Variants in NPFFR2 observed in about 807,000 individuals in gnomAD.
NPFFR2 encodes neuropeptide FF receptor 2.
NPFFR2 carries 15 observed loss-of-function variants against 13.1 expected under a neutral mutation model. The ratio of observed to expected loss-of-function variants is 1.15; its 90% confidence interval spans 0.77 to 1.76. The LOEUF (loss-of-function observed/expected upper bound fraction) is 1.76, where lower values mean the gene tolerates loss of function less well. NPFFR2 is among the 40% of genes most tolerant of loss of function. The probability of loss-of-function intolerance (pLI) is 0.00; values close to 1 mark genes in which losing one functional copy is unlikely to be tolerated. For missense variants in NPFFR2, 572 were observed against 503.5 expected (o/e 1.14, Z -1.30); for synonymous variants, 190 against 175.7 (o/e 1.08, Z -0.65).
chr4:72,127,157 C>A (rs1045158085), intron 1 of NPFFR2, among the ~76,000 whole-genome samples: 1 of 150,276 alleles, frequency 6.7e-6, no homozygotes, highest in Non-Finnish European at 1.5e-5. Flanking sequence ...AAAAAAAATT[C>A]GCTGGGCGTG....
At chr4:72,069,745 A>G (rs1736378738) in intron 1 of NPFFR2, among the ~76,000 whole-genome samples, 1 of 152,192 alleles carries the variant, frequency 6.6e-6, no homozygotes, top group Non-Finnish European at 1.5e-5. Flanking sequence ...AAATATGAAT[A>G]GGAAATTCAC....
chr4:72,121,083 C>T (rs1046787272), intron 1 of NPFFR2, among the ~76,000 whole-genome samples: 51 of 151,952 alleles, frequency 3.4e-4, no homozygotes, highest in African/African-American at 1.2e-3. Flanking sequence ...AAAAACACAG[C>T]ACGAGAACTT....
chr4:72,076,996 A>G (rs796920151), intron 1 of NPFFR2, among the ~76,000 whole-genome samples: 1 of 152,178 alleles, frequency 6.6e-6, no homozygotes, highest in Admixed American at 6.5e-5. Flanking sequence ...GTAGTAAATC[A>G]TCTAAATTAA....
Position 72,109,724 on chromosome 4 carries a change from T to TTG in NPFFR2, c.-7-18860_-7-18859insGT, listed in dbSNP as rs1553892602. ...ATTTGTTGTTGTTGTTGTTGTTGTT[T>TTG]TTTAATGAATGCCCATTCCCTTGAC... On this transcript the variant is annotated intron_variant, in intron 1 of 3. Transcript: ENST00000308744. Among the ~76,000 whole-genome samples, 693 of 152,098 alleles carry TTG rather than the reference T, an allele frequency of 4.6e-3. 3 individuals are homozygous for TTG. The highest frequency in any genetic ancestry group is 0.016 in the African/African-American group (664 of 41,498).
chr4:72,130,760 C>T (rs750393736), intron 2 of NPFFR2, among the ~76,000 whole-genome samples: 3 of 152,142 alleles, frequency 2.0e-5, no homozygotes, highest in Non-Finnish European at 4.4e-5. Flanking sequence ...CTAGAGGTTG[C>T]CTGTGACCCC....
intron 2 of NPFFR2, among the ~76,000 whole-genome samples, chr4:72,130,976 G>A (rs1722221093): frequency 1.3e-5 from 2 of 152,194 alleles, no homozygotes; most frequent in African/African-American, 2.4e-5. Context: ...GAGCTGGAAC[G>A]GGGATGGAGT....
At chr4:72,057,083 G>C (rs1248691990) in intron 1 of NPFFR2, among the ~76,000 whole-genome samples, 1 of 151,788 alleles carries the variant, frequency 6.6e-6, no homozygotes, top group Admixed American at 6.6e-5. Flanking sequence ...AGAATATATT[G>C]GTTCATACTG....
chr4:72,060,884 C>CT (rs1258929422), intron 1 of NPFFR2, among the ~76,000 whole-genome samples: 1 of 152,104 alleles, frequency 6.6e-6, no homozygotes, highest in African/African-American at 2.4e-5. Context: ...ATTTAAGTAA[C>CT]TTTTTTGCCA....
chr4:72,033,226 T>G (rs1718970371), intron 1 of NPFFR2, among the ~76,000 whole-genome samples: 1 of 152,226 alleles, frequency 6.6e-6, no homozygotes. Flanking sequence ...ATCTAAGTTA[T>G]GGATGAATTT....
chr4:72,069,284 A>T (rs937476857), intron 1 of NPFFR2, among the ~76,000 whole-genome samples: 2 of 152,164 alleles, frequency 1.3e-5, no homozygotes, highest in Non-Finnish European at 2.9e-5. Context: ...ATGCAAAGGT[A>T]GTCAATAGTA....
At chr4:72,083,228 T>A (rs1720680914) in intron 1 of NPFFR2, among the ~76,000 whole-genome samples, 1 of 150,588 alleles carries the variant, frequency 6.6e-6, no homozygotes, top group South Asian at 2.1e-4. Flanking sequence ...TTCTGAATCA[T>A]ATGGTCATTC....
intron 1 of NPFFR2, among the ~76,000 whole-genome samples, chr4:72,063,620 A>T (rs898014175): frequency 2.0e-5 from 3 of 152,210 alleles, no homozygotes; most frequent in African/African-American, 7.2e-5. Flanking sequence ...ATAAATAAAA[A>T]TAAAAGTTCT....
chr4:72,083,885 T>A (rs910148955), intron 1 of NPFFR2, among the ~76,000 whole-genome samples: 2 of 152,172 alleles, frequency 1.3e-5, no homozygotes, highest in African/African-American at 4.8e-5. Context: ...TAAATGTTAC[T>A]GCATTCCATT....
intron 1 of NPFFR2, 38 bp downstream of exon 1, chr4:72,032,238 T>G: frequency 1.3e-6 from 2 of 1,547,716 alleles, no homozygotes; most frequent in Admixed American, 1.9e-5. Context: ...GGCCCCCGCT[T>G]GGGGGCGCGA....
chr4:72,134,460 A>G (rs1722348083), intron 2 of NPFFR2, among the ~76,000 whole-genome samples: 1 of 152,078 alleles, frequency 6.6e-6, no homozygotes, highest in Admixed American at 6.5e-5. Context: ...GCACAAACAT[A>G]CATTCATACA....
chr4:72,049,523 A>G (rs1321656758), intron 1 of NPFFR2, among the ~76,000 whole-genome samples: 4 of 152,130 alleles, frequency 2.6e-5, no homozygotes, highest in African/African-American at 9.7e-5. Flanking sequence ...TTTGCAGAAT[A>G]TGCTGTTTGA....
At chr4:72,101,864 A>G (rs1721260365) in intron 1 of NPFFR2, among the ~76,000 whole-genome samples, 1 of 152,126 alleles carries the variant, frequency 6.6e-6, no homozygotes, top group East Asian at 1.9e-4. Context: ...AGATATACCT[A>G]AGCCCATCCA....
intron 1 of NPFFR2, among the ~76,000 whole-genome samples, chr4:72,107,707 T>G (rs1721455252): frequency 6.6e-6 from 1 of 151,942 alleles, no homozygotes; most frequent in Non-Finnish European, 1.5e-5. Flanking sequence ...GTTTCCTTCT[T>G]ACATGAAAAG....
chr4:72,060,440 A>G (rs1338632116), intron 1 of NPFFR2, among the ~76,000 whole-genome samples: 1 of 152,116 alleles, frequency 6.6e-6, no homozygotes, highest in South Asian at 2.1e-4. Context: ...TTCACTGACC[A>G]ATGCATTTCC....
Sources: gnomAD v4.1 joint callset for allele counts (sites outside exome capture counted in the v4.1 genomes callset) on GRCh38, gnomAD v4.1.1 for gene constraint, MANE v1.5 for transcripts, NCBI Gene and HGNC (gene_info 2026-07-23, HGNC 2026-07-21) for gene names.